Variants in COPS2 observed in about 807,000 individuals in gnomAD.
COPS2 encodes the protein COP9 signalosome complex subunit 2.
COPS2 carries 10 observed loss-of-function variants against 66.1 expected under a neutral mutation model. That is an observed-to-expected ratio of 0.15 (90% CI 0.09 to 0.26). The LOEUF (loss-of-function observed/expected upper bound fraction) is 0.26. Ranked by LOEUF, COPS2 falls within the 10% of genes least tolerant of loss-of-function variation. The pLI is 1.00. For synonymous variants in COPS2, 179 were observed against 171.3 expected (o/e 1.04, Z -0.35); for missense variants, 215 against 513.3 (o/e 0.42, Z 5.62).
rs200431169 is a variant in COPS2, at chr15:49,129,306, TAA to T, written c.1128+169_1128+170del. ...GGCTATACAGCAAGACCCTGTCTCT[TAA>T]AAAAAAAAAAAATGATTAAAAGTAA... is the stretch of plus-strand genomic sequence containing the variant. On this transcript the variant is annotated intron_variant, in intron 11 of 12. Coordinates refer to ENST00000388901, the MANE Select transcript of COPS2 (RefSeq NM_004236.4). 6.7e-3 allele frequency among the ~76,000 whole-genome samples: 964 copies of T among 143,454 alleles called. 17 individuals are homozygous for T. Among genetic ancestry groups the T allele is most frequent in the African/African-American group, 0.023 (916 of 39,474 alleles). The allele number at this position is 143,454 out of a possible 152,430, so 94.1% of individuals were successfully genotyped here.
intron 12 of COPS2, among the ~76,000 whole-genome samples, chr15:49,128,366 AC>A (rs1235901575): frequency 6.6e-6 from 1 of 152,238 alleles, no homozygotes; most frequent in African/African-American, 2.4e-5. Context: ...GAAGCTTTAA[AC>A]AATGTACTGT....
chr15:49,123,203 C>T lies in COPS2; in HGVS notation c.*4747G>A, dbSNP rs556282254. On this transcript the variant is annotated 3_prime_UTR_variant, in exon 13 of 13. Coordinates refer to ENST00000388901, the MANE Select transcript of COPS2 (RefSeq NM_004236.4). The stretch of plus-strand genomic sequence containing the variant: ...TTGGCATTAATATGTTGCTAATAAG[C>T]ATGCCAAAACTTTTGACAACTTCAT... The T allele has an allele frequency of 6.6e-6, 1 of 152,304 alleles. No homozygotes were observed. Among genetic ancestry groups the T allele is most frequent in the Admixed American group, 6.5e-5 (1 of 15,298 alleles). 9.4% of individuals were successfully genotyped at this position (152,304 alleles called of 1,614,324 possible).
At chr15:49,151,746 A>G (rs1282929656) in intron 1 of COPS2, among the ~76,000 whole-genome samples, 1 of 151,860 alleles carries the variant, frequency 6.6e-6, no homozygotes, top group Admixed American at 6.6e-5. Flanking sequence ...ATGAAAATCA[A>G]ACAGATCTTA....
intron 9 of COPS2, among the ~76,000 whole-genome samples, chr15:49,133,084 G>T (rs1761597532): frequency 6.6e-6 from 1 of 151,648 alleles, no homozygotes; most frequent in Non-Finnish European, 1.5e-5. Context: ...TGCCTCCCGG[G>T]TTCATGCCAT....
chr15:49,141,707 C>T (rs927350120), intron 3 of COPS2, among the ~76,000 whole-genome samples: 2 of 152,084 alleles, frequency 1.3e-5, no homozygotes, highest in African/African-American at 2.4e-5. Flanking sequence ...AATCAGAAAA[C>T]GAGAGGGGCA....
At chr15:49,146,235 A>G (rs905229630) in intron 1 of COPS2, among the ~76,000 whole-genome samples, 1 of 152,132 alleles carries the variant, frequency 6.6e-6, no homozygotes, top group Non-Finnish European at 1.5e-5. Flanking sequence ...TGAAGACCTG[A>G]GTCTGTCAGT....
Position 49,124,331 on chromosome 15 carries a change from C to T in COPS2, c.*3619G>A, listed in dbSNP as rs1051322095. 6.6e-6 allele frequency: 1 copy of T among 152,008 alleles called. No individual in the cohort carries two copies. The highest frequency in any genetic ancestry group is 2.4e-5 in the African/African-American group (1 of 41,348). 9.4% of individuals were successfully genotyped at this position (152,008 alleles called of 1,614,324 possible). On this transcript the variant is annotated 3_prime_UTR_variant, in exon 13 of 13. Coordinates refer to ENST00000388901, the MANE Select transcript of COPS2 (RefSeq NM_004236.4). ...AGGTGGCAGTGAACTGAGATTGCGC[C>T]ACTGCACTCCAGCCTGGGTGACAAG...
At chr15:49,139,366 T>C (rs912702348) in intron 4 of COPS2, 162 bp downstream of exon 4, 8 of 574,110 alleles carry the variant, frequency 1.4e-5, no homozygotes, top group African/African-American at 5.7e-5. Flanking sequence ...ATATAATCAG[T>C]AATATAACCA....
chr15:49,128,580 T>G, intron 12 of COPS2, 122 bp downstream of exon 12: 1 of 638,866 alleles, frequency 1.6e-6, no homozygotes, highest in Non-Finnish European at 2.7e-6. Context: ...TCTCTTCTAA[T>G]AGAAAACCAT....
intron 1 of COPS2, among the ~76,000 whole-genome samples, chr15:49,149,745 T>C (rs1488732170): frequency 6.6e-6 from 1 of 152,188 alleles, no homozygotes; most frequent in African/African-American, 2.4e-5. Context: ...TCCTAAGAAA[T>C]GTACTTTAGG....
chr15:49,154,154 A>C (rs1374541806), intron 1 of COPS2, among the ~76,000 whole-genome samples: 1 of 152,156 alleles, frequency 6.6e-6, no homozygotes, highest in Non-Finnish European at 1.5e-5. Context: ...TGTACAAAAT[A>C]CTATGAATCA....
At position 49,137,183 on chromosome 15, in the gene COPS2, T is replaced by C; in HGVS notation, c.507A>G (p.Gln169=). ...YLEREEYGKL[Q]KILRQLHQSC... is the part of the protein sequence containing the mutation. ...ACTGATGTAACTGGCGTAAAATTTT[T>C]TGAAGCTTTCCATATTCCTCTCGTT... Residue 169 remains glutamine, a synonymous_variant, in exon 6 of 13, where the codon CAA becomes CAG. Coordinates refer to ENST00000388901, the MANE Select transcript of COPS2 (RefSeq NM_004236.4). 6.2e-7 allele frequency: 1 copy of C among 1,604,706 alleles called. No individual in the cohort carries two copies. Among genetic ancestry groups the C allele is most frequent in the South Asian group, 1.1e-5 (1 of 87,994 alleles).
At chr15:49,138,750 G>A (rs1480668991) in intron 4 of COPS2, among the ~76,000 whole-genome samples, 1 of 152,058 alleles carries the variant, frequency 6.6e-6, no homozygotes, top group Non-Finnish European at 1.5e-5. Context: ...AAATGAGGCT[G>A]ATTCTGATCT....
rs971995629 is a variant in COPS2 at position 49,127,047 on chromosome 15, G to A, written c.*903C>T. The A allele has an allele frequency of 1.1e-4, 16 of 151,858 alleles. No individual in the cohort carries two copies. Among genetic ancestry groups the A allele is most frequent in the African/African-American group, 3.9e-4 (16 of 41,368 alleles). The allele number at this position is 151,858 out of a possible 1,614,324, so 9.4% of individuals were successfully genotyped here. Reference sequence around the variant, plus strand: ...TAGCTGTCTATGTTCTGGCATATTCGTTTAAAGTGAACATTCTGAGAGTTA... The same window carrying A: ...TAGCTGTCTATGTTCTGGCATATTCATTTAAAGTGAACATTCTGAGAGTTA... On this transcript the variant is annotated 3_prime_UTR_variant, in exon 13 of 13. Transcript: ENST00000388901.
At chr15:49,153,932 C>T (rs1595828467) in intron 1 of COPS2, among the ~76,000 whole-genome samples, 4 of 151,966 alleles carry the variant, frequency 2.6e-5, no homozygotes, top group Admixed American at 2.6e-4. Flanking sequence ...TATGTACAAA[C>T]CAACAGTTAG....
chr15:49,138,172 G>A (rs538227353), intron 4 of COPS2, among the ~76,000 whole-genome samples: 6 of 152,186 alleles, frequency 3.9e-5, no homozygotes, highest in Admixed American at 2.0e-4. Flanking sequence ...ATTTTTTCAC[G>A]GAAATCATTA....
intron 7 of COPS2, 29 bp from the exon 8 acceptor site, chr15:49,134,137 G>A (rs764747310): frequency 1.3e-6 from 2 of 1,569,266 alleles, no homozygotes; most frequent in African/African-American, 2.7e-5. Context: ...GAGAAAATAG[G>A]ACATTTTCAG....
In COPS2 at chr15:49,125,567, A is replaced by G. The variant is rs1433900443; in HGVS notation, c.*2383T>C. The G allele has an allele frequency of 6.6e-6, 1 of 152,152 alleles. No individual in the cohort carries two copies. The highest frequency in any genetic ancestry group is 2.1e-4 in the South Asian group (1 of 4,838). 9.4% of individuals were successfully genotyped at this position (152,152 alleles called of 1,614,324 possible). A position where few individuals can be genotyped will look rare whatever the true frequency, so the allele number is the denominator to read the frequency against. On this transcript the variant is annotated 3_prime_UTR_variant, in exon 13 of 13. Coordinates refer to ENST00000388901, the MANE Select transcript of COPS2 (RefSeq NM_004236.4). ...CCCTAAATTTATATTTCGATAAGCA[A>G]TCTCTAAGATTTCAACTCTACAATA... is the stretch of plus-strand genomic sequence containing the variant.
intron 9 of COPS2, among the ~76,000 whole-genome samples, chr15:49,131,763 G>A (rs2084210827): frequency 6.6e-6 from 1 of 152,010 alleles, no homozygotes; most frequent in Non-Finnish European, 1.5e-5. Context: ...GAAAACACTT[G>A]CACAAACATT....
Sources: allele counts gnomAD v4.1 joint callset (sites outside exome capture counted in the v4.1 genomes callset), GRCh38; gene constraint gnomAD v4.1.1; transcripts MANE v1.5; gene names NCBI Gene and HGNC (gene_info 2026-07-23, HGNC 2026-07-21).